ZNF469: variants seen among roughly 807,000 people sequenced by gnomAD.
ZNF469 encodes zinc finger protein 469.
ZNF469 carries 1 observed loss-of-function variant against 1.0 expected under a neutral mutation model. The ratio of observed to expected loss-of-function variants is 1.00; its 90% CI spans 0.35 to 4.73. The LOEUF (loss-of-function observed/expected upper bound fraction) is 4.73, where lower values mean the gene tolerates loss of function less well. ZNF469 is among the 30% of genes most tolerant of loss of function. ZNF469 has a pLI of 0.16. For missense variants in ZNF469, 6,100 were observed against 5,356.3 expected, an observed-to-expected ratio of 1.14 and a Z score of -4.33; for synonymous variants, 2,703 against 2,363.4, an observed-to-expected ratio of 1.14 and a Z score of -4.17.
At chr16:88,386,401 G>A (rs931863630) in intron 1 of ZNF469, among the ~76,000 whole-genome samples, 20 of 151,742 alleles carry the variant, frequency 1.3e-4, no homozygotes, top group African/African-American at 4.4e-4. Context: ...CTCCACCGGC[G>A]ACTGCCTGCC....
the ZNF469 span, among the ~76,000 whole-genome samples, chr16:88,344,733 C>T: frequency 3.3e-5 from 5 of 152,308 alleles, no homozygotes; most frequent in South Asian, 8.3e-4. Context: ...AGGATGCAGC[C>T]GGAAGGTCCC....
At chr16:88,191,744 GAATTAA>G in the ZNF469 span, 1 of 152,202 alleles carries the variant, frequency 6.6e-6, no homozygotes, top group South Asian at 2.1e-4. Context: ...GCCCTGCTGA[GAATTAA>G]AACAGAACAA....
At chr16:88,383,515 C>T (rs2092530631) in intron 1 of ZNF469, among the ~76,000 whole-genome samples, 1 of 149,520 alleles carries the variant, frequency 6.7e-6, no homozygotes, top group South Asian at 2.1e-4. Flanking sequence ...TTGCCCGGAG[C>T]GGAGCGTTGG....
the ZNF469 span, among the ~76,000 whole-genome samples, chr16:88,175,194 G>T: frequency 6.6e-6 from 1 of 152,124 alleles, no homozygotes; most frequent in African/African-American, 2.4e-5. Flanking sequence ...CAAAATCCCC[G>T]CACAGCAGCA....
rs1231458159 is a variant in ZNF469, at chr16:88,431,908, C to A, written c.4438C>A (p.Leu1480Met). 1 of 1,549,762 alleles carries A rather than the reference C, an allele frequency of 6.5e-7. No individual in the cohort carries two copies. Among genetic ancestry groups the A allele is most frequent in the Admixed American group, 2.0e-5 (1 of 51,006 alleles). The change falls in exon 3 of 3, where the codon CTG becomes ATG. Residue 1480 changes from leucine (L) to methionine (M), a missense_variant. Transcript: ENST00000565624. ...CCTGTCTGCGAACAGGGACTCCGGT[C>A]TGCCGTTCGCATGTGCCGACCCTCC... ...GSLSANRDSG[L>M]PFACADPPQK...
chr16:88,368,812 G>T, the ZNF469 span, among the ~76,000 whole-genome samples: 1 of 152,124 alleles, frequency 6.6e-6, no homozygotes, highest in African/African-American at 2.4e-5. Flanking sequence ...AAAGGCCTGG[G>T]CAGGCCAGGC....
the ZNF469 span, among the ~76,000 whole-genome samples, chr16:88,283,825 T>G: frequency 2.0e-5 from 3 of 146,774 alleles, no homozygotes; most frequent in Admixed American, 6.7e-5. Context: ...TGAAGGCTGG[T>G]AGACCCCCAG....
the ZNF469 span, among the ~76,000 whole-genome samples, chr16:88,334,062 G>T: frequency 6.6e-6 from 1 of 151,434 alleles, no homozygotes; most frequent in Non-Finnish European, 1.5e-5. Context: ...CTGTGTCTGT[G>T]TGTGTCTGTG....
chr16:88,193,631 G>A, the ZNF469 span: 1 of 152,242 alleles, frequency 6.6e-6, no homozygotes, highest in Non-Finnish European at 1.5e-5. Context: ...GAGCCCAGGA[G>A]GTTGAGGCTG....
the ZNF469 span, among the ~76,000 whole-genome samples, chr16:88,266,431 A>G: frequency 6.6e-6 from 1 of 152,258 alleles, no homozygotes; most frequent in African/African-American, 2.4e-5. Flanking sequence ...AACCAGGAGC[A>G]GGGAAGGTCA....
In ZNF469 at chr16:88,428,624, C is replaced by T. The variant is rs1475622131; in HGVS notation, c.1154C>T (p.Pro385Leu). Reference protein sequence around the residue: ...SLTKILPERPPSAQDGLGSTR... With the variant: ...SLTKILPERPLSAQDGLGSTR... Reference sequence around the variant, plus strand: ...ACCAAAATCCTTCCCGAAAGACCACCTTCAGCCCAGGATGGGCTGGGGAGC... The same window carrying T: ...ACCAAAATCCTTCCCGAAAGACCACTTTCAGCCCAGGATGGGCTGGGGAGC... The change falls in exon 3 of 3, where the codon CCT becomes CTT. Residue 385 changes from proline to leucine, a missense_variant. Transcript: ENST00000565624. The T allele has an allele frequency of 1.3e-6, 2 of 1,550,140 alleles. No individual in the cohort carries two copies. Among genetic ancestry groups the T allele is most frequent in the Non-Finnish European group, 1.7e-6 (2 of 1,146,910 alleles).
the ZNF469 span, among the ~76,000 whole-genome samples, chr16:88,127,761 G>A: frequency 9.9e-4 from 151 of 152,326 alleles, 3 homozygotes; most frequent in East Asian, 0.019. Flanking sequence ...TTGAGATGAA[G>A]AAGGTTGGAT....
the ZNF469 span, among the ~76,000 whole-genome samples, chr16:88,122,438 C>T: frequency 4.5e-3 from 678 of 150,040 alleles, 3 homozygotes; most frequent in African/African-American, 0.013. Context: ...GATCACACTC[C>T]GTCACTCGCT....
chr16:88,349,562 A>C, the ZNF469 span, among the ~76,000 whole-genome samples: 1 of 147,754 alleles, frequency 6.8e-6, no homozygotes, highest in African/African-American at 2.5e-5. Context: ...ACCACACCCA[A>C]GTGCACACAC....
chr16:88,265,089 C>G, the ZNF469 span, among the ~76,000 whole-genome samples: 1,209 of 152,140 alleles, frequency 7.9e-3, 11 homozygotes, highest in African/African-American at 0.028. Context: ...GCAGCTGCCA[C>G]TCCGCCCTCA....
At chr16:88,374,823 C>T in the ZNF469 span, among the ~76,000 whole-genome samples, 2 of 151,988 alleles carry the variant, frequency 1.3e-5, no homozygotes, top group African/African-American at 2.4e-5. Flanking sequence ...GCTGTATCTG[C>T]GCTCTGAGGC....
chr16:88,263,235 C>T, the ZNF469 span, among the ~76,000 whole-genome samples: 1 of 152,212 alleles, frequency 6.6e-6, no homozygotes, highest in South Asian at 2.1e-4. Flanking sequence ...GCCTCCCCCA[C>T]CCCACCCAGT....
chr16:88,316,893 C>T, the ZNF469 span, among the ~76,000 whole-genome samples: 1 of 152,110 alleles, frequency 6.6e-6, no homozygotes, highest in African/African-American at 2.4e-5. Flanking sequence ...GGGAACCTAT[C>T]GAAGCTGGGG....
At chr16:88,327,900 C>T in the ZNF469 span, among the ~76,000 whole-genome samples, 1 of 152,206 alleles carries the variant, frequency 6.6e-6, no homozygotes, top group Non-Finnish European at 1.5e-5. Context: ...AGAGCAGAAA[C>T]CAGAAACGTG....
Sources: allele counts gnomAD v4.1 joint callset (sites outside exome capture counted in the v4.1 genomes callset), GRCh38; gene constraint gnomAD v4.1.1; transcripts MANE v1.5; gene names NCBI Gene and HGNC (gene_info 2026-07-23, HGNC 2026-07-21).